The following OR2T33 variants were observed in gnomAD, a reference collection of about 807,000 sequenced individuals.
The protein encoded by OR2T33 is olfactory receptor 2T33.
In OR2T33, 10 loss-of-function variants were observed where a neutral mutation model predicts 14.0. That is an observed-to-expected ratio of 0.72 (90% CI 0.44 to 1.22). The LOEUF is 1.22. Among genes scored for constraint, OR2T33 ranks in the 50% most tolerant of loss-of-function variants. The probability of loss-of-function intolerance (pLI) is 0.00; values close to 1 mark genes in which losing one functional copy is unlikely to be tolerated. For missense variants in OR2T33, 276 were observed against 405.9 expected, an observed-to-expected ratio of 0.68 and a Z score of 2.75; for synonymous variants, 103 against 159.4, an observed-to-expected ratio of 0.65 and a Z score of 2.66.
chr1:248,276,970 C>A (rs1659454454), intron 1 of OR2T33, among the ~76,000 whole-genome samples: 1 of 151,750 alleles, frequency 6.6e-6, no homozygotes, highest in Non-Finnish European at 1.5e-5. Flanking sequence ...ATTAACTCAG[C>A]AAATTATAAT....
Position 248,273,679 on chromosome 1 carries a change from G to A in OR2T33, c.136C>T (p.Leu46=), listed in dbSNP as rs1354545975. ...SLFGNSLMIL[L]IHWDHRLHTP... is the part of the protein sequence containing the mutation. ...TGGAGCCGGTGGTCCCAGTGAATCA[G>A]GAGAATCATGAGGGAATTGCCAAAC... The change falls in exon 2 of 2, where the codon CTG becomes TTG. Residue 46 remains leucine (L), a synonymous_variant. Transcript: ENST00000641220. The A allele has an allele frequency of 1.4e-5, 22 of 1,598,634 alleles. No individual in the cohort carries two copies. The highest frequency in any genetic ancestry group is 3.4e-5 in the Admixed American group (2 of 58,388).
At chr1:248,276,522 A>G (rs1659449026) in intron 1 of OR2T33, among the ~76,000 whole-genome samples, 1 of 152,190 alleles carries the variant, frequency 6.6e-6, no homozygotes, top group South Asian at 2.1e-4. Context: ...AAAGTCTAAG[A>G]TCTGAAAATT....
At chr1:248,274,015 T>A (rs1341471596) in intron 1 of OR2T33, among the ~76,000 whole-genome samples, 193 bp from the exon 2 acceptor site, 1 of 152,144 alleles carries the variant, frequency 6.6e-6, no homozygotes, top group Non-Finnish European at 1.5e-5. Flanking sequence ...CTTTTTAATG[T>A]TTTAACTGAG....
At chr1:248,276,933 A>T (rs747457240) in intron 1 of OR2T33, among the ~76,000 whole-genome samples, 85 of 151,996 alleles carry the variant, frequency 5.6e-4, no homozygotes, top group Non-Finnish European at 1.0e-3. Flanking sequence ...TGTCAAGTGG[A>T]CCATTAATCC....
At chr1:248,274,593 G>T (rs1360909634) in intron 1 of OR2T33, among the ~76,000 whole-genome samples, 2 of 152,102 alleles carry the variant, frequency 1.3e-5, no homozygotes, top group African/African-American at 4.8e-5. Flanking sequence ...GCAGTATACT[G>T]CCATGGAGAC....
At chr1:248,277,317 A>C (rs1659459347) in intron 1 of OR2T33, among the ~76,000 whole-genome samples, 1 of 152,042 alleles carries the variant, frequency 6.6e-6, no homozygotes. Flanking sequence ...ACTTACTTGA[A>C]AACAGACACA....
chr1:248,273,872 G>C (rs200263305), intron 1 of OR2T33, 50 bp from the exon 2 acceptor site: 1 of 1,565,070 alleles, frequency 6.4e-7, no homozygotes, highest in Admixed American at 1.8e-5. Flanking sequence ...GGCTTTTATG[G>C]TCTGAATAAC....
intron 1 of OR2T33, among the ~76,000 whole-genome samples, chr1:248,274,862 A>G (rs1368073712): frequency 6.6e-6 from 1 of 152,244 alleles, no homozygotes; most frequent in Non-Finnish European, 1.5e-5. Context: ...TAAAATATTT[A>G]ACAAAATCGA....
chr1:248,272,584 T>G lies in OR2T33; in HGVS notation c.*268A>C. The stretch of plus-strand genomic sequence containing the variant: ...CTTTCCATGCATTAATTTCTTTTTT[T>G]AGAAAGTAGGAGATATTGTCAACAG... On this transcript the variant is annotated 3_prime_UTR_variant, in exon 2 of 2. Transcript: ENST00000641220. 2.7e-6 allele frequency: 1 copy of G among 370,166 alleles called. No individual in the cohort carries two copies. The allele number at this position is 370,166 out of a possible 1,614,324, so 22.9% of individuals were successfully genotyped here. A position where few individuals can be genotyped will look rare whatever the true frequency, so the allele number is the denominator to read the frequency against.
chr1:248,272,579 T>G lies in OR2T33; in HGVS notation c.*273A>C. On this transcript the variant is annotated 3_prime_UTR_variant, in exon 2 of 2. Coordinates refer to ENST00000641220, the MANE Select transcript of OR2T33 (RefSeq NM_001004695.2). ...TTTACCTTTCCATGCATTAATTTCT[T>G]TTTTTAGAAAGTAGGAGATATTGTC... 2 of 363,086 alleles carry G rather than the reference T, an allele frequency of 5.5e-6. No individual in the cohort carries two copies. Among genetic ancestry groups the G allele is most frequent in the Admixed American group, 8.7e-5 (2 of 23,042 alleles). The allele number at this position is 363,086 out of a possible 1,614,324, so 22.5% of individuals were successfully genotyped here.
chr1:248,272,897 A>C lies in OR2T33; in HGVS notation c.918T>G (p.Cys306Trp). ...CATTTTGCTGGTGTTTTATGTTTAC[A>C]CACGTCCCCAGCCACCGTTTCAGGG... ...KGALKRWLGTCVNIKHQQNEA... is the reference protein window; with the variant it reads ...KGALKRWLGTWVNIKHQQNEA... Residue 306 changes from cysteine (C) to tryptophan (W), a missense_variant, in exon 2 of 2, where the codon TGT becomes TGG. Coordinates refer to ENST00000641220, the MANE Select transcript of OR2T33 (RefSeq NM_001004695.2). The C allele has an allele frequency of 6.2e-7, 1 of 1,614,138 alleles. No homozygotes were observed. The highest frequency in any genetic ancestry group is 1.1e-5 in the South Asian group (1 of 91,068).
Position 248,272,914 on chromosome 1 carries a change from G to C in OR2T33, c.901C>G (p.Arg301Gly). The C allele has an allele frequency of 2.5e-6, 4 of 1,613,936 alleles. No homozygotes were observed. The highest frequency in any genetic ancestry group is 3.4e-6 in the Non-Finnish European group (4 of 1,179,924). The change falls in exon 2 of 2, where the codon CGG (arginine) becomes GGG (glycine). Residue 301 changes from arginine (R) to glycine (G), a missense_variant. Transcript: ENST00000641220. ...KNSEVKGALK[R>G]WLGTCVNIKH... ...ATGTTTACACACGTCCCCAGCCACC[G>C]TTTCAGGGCTCCCTTCACCTCACTG...
rs7530477 is a variant in OR2T33 at position 248,274,713 on chromosome 1, G to C, written c.-8-891C>G. Among the ~76,000 whole-genome samples the C allele has an allele frequency of 1.6e-3, 242 of 152,282 alleles. 1 individual carries two copies. In the Middle Eastern group the frequency reaches 0.024, roughly 15 times the overall value. ...AATGAGTAAGTAGTACTTCGAGTAA[G>C]AAAAGGATAGGAAACAGCTTAAAAA... On this transcript the variant is annotated intron_variant, in intron 1 of 1. Transcript: ENST00000641220.
At chr1:248,275,564 A>G (rs1158358726) in intron 1 of OR2T33, among the ~76,000 whole-genome samples, 1 of 152,228 alleles carries the variant, frequency 6.6e-6, no homozygotes, top group African/African-American at 2.4e-5. Flanking sequence ...GAATGCATGG[A>G]TAAAGGAGGG....
At position 248,272,565 on chromosome 1, in the gene OR2T33, A is replaced by G. The variant is rs1212517617; in HGVS notation, c.*287T>C. 6.0e-6 allele frequency: 2 copies of G among 334,886 alleles called. No individual in the cohort carries two copies. The highest frequency in any genetic ancestry group is 1.2e-4 in the East Asian group (2 of 17,132). The allele number at this position is 334,886 out of a possible 1,614,324, so 20.7% of individuals were successfully genotyped here. On this transcript the variant is annotated 3_prime_UTR_variant, in exon 2 of 2. Transcript: ENST00000641220. ...AATTGGGAACAATATTTACCTTTCCATGCATTAATTTCTTTTTTTAGAAAG... is the reference window on the plus strand; with the variant it reads ...AATTGGGAACAATATTTACCTTTCCGTGCATTAATTTCTTTTTTTAGAAAG...
rs1274827637 is a variant in OR2T33 at position 248,272,122 on chromosome 1, A to C, written c.*730T>G. ...GAGTTCATATCGATGGAGGTATGTC[A>C]ATAAGTCAAGGTAACCTTAAAGCAG... is the stretch of plus-strand genomic sequence containing the variant. On this transcript the variant is annotated 3_prime_UTR_variant, in exon 2 of 2. Transcript: ENST00000641220. 6.6e-6 allele frequency: 1 copy of C among 152,222 alleles called. No individual in the cohort carries two copies. The highest frequency in any genetic ancestry group is 1.5e-5 in the Non-Finnish European group (1 of 68,036). 9.4% of individuals were successfully genotyped at this position (152,222 alleles called of 1,614,324 possible). A position where few individuals can be genotyped will look rare whatever the true frequency, so the allele number is the denominator to read the frequency against.
rs1296639965 is a variant in OR2T33 at position 248,272,532 on chromosome 1, C to G, written c.*320G>C. The G allele has an allele frequency of 1.6e-5, 4 of 255,756 alleles. No individual in the cohort carries two copies. In the East Asian group the frequency reaches 3.5e-4, roughly 22 times the overall value. The allele number at this position is 255,756 out of a possible 1,614,324, so 15.8% of individuals were successfully genotyped here. A position where few individuals can be genotyped will look rare whatever the true frequency, so the allele number is the denominator to read the frequency against. On this transcript the variant is annotated 3_prime_UTR_variant, in exon 2 of 2. Transcript: ENST00000641220. ...GGAGTCACTTCTTATTATTTCCGTG[C>G]TGTGTGAAATTGGGAACAATATTTA...
intron 1 of OR2T33, among the ~76,000 whole-genome samples, chr1:248,276,646 C>A (rs1288829072): frequency 6.6e-6 from 1 of 152,026 alleles, no homozygotes; most frequent in Non-Finnish European, 1.5e-5. Context: ...TAATTTGGAA[C>A]CATTGTTTTT....
At position 248,277,773 on chromosome 1, in the gene OR2T33, T is replaced by G. The variant is rs766490557; in HGVS notation, c.-17A>C. 6.6e-6 allele frequency: 1 copy of G among 152,102 alleles called. No individual in the cohort carries two copies. The allele number at this position is 152,102 out of a possible 1,614,324, so 9.4% of individuals were successfully genotyped here. A position where few individuals can be genotyped will look rare whatever the true frequency, so the allele number is the denominator to read the frequency against. ...AAACAAATTAGACTCACCTTTGTAG[T>G]GGAGAATCACAGCCAGTGTGACATA... On this transcript the variant is annotated 5_prime_UTR_variant, in exon 1 of 2. Transcript: ENST00000641220.
Sources: allele counts gnomAD v4.1 joint callset (sites outside exome capture counted in the v4.1 genomes callset), GRCh38; gene constraint gnomAD v4.1.1; transcripts MANE v1.5; gene names NCBI Gene and HGNC (gene_info 2026-07-23, HGNC 2026-07-21).